FRMPD4: variants seen among roughly 807,000 people sequenced by gnomAD.
FRMPD4 encodes FERM and PDZ domain containing 4, also known as FERM and PDZ domain-containing protein 4.
In FRMPD4, 22 loss-of-function variants were observed where a neutral mutation model predicts 94.1. The ratio of observed to expected loss-of-function variants is 0.23; its 90% confidence interval spans 0.17 to 0.33. FRMPD4 has a LOEUF of 0.33. FRMPD4 is among the 10% of genes least tolerant of loss of function. The pLI, the probability that FRMPD4 is intolerant of heterozygous loss-of-function variation, is 1.00. For synonymous variants in FRMPD4, 631 were observed against 548.6 expected (o/e 1.15, Z -2.10); for missense variants, 1,111 against 1,339.9 (o/e 0.83, Z 2.67).
chrX:12,142,442 T>A (rs1250777786), intron 1 of FRMPD4, among the ~76,000 whole-genome samples: 1 of 111,564 alleles, frequency 9.0e-6, no homozygotes, highest in Non-Finnish European at 1.9e-5. Context: ...ATGCAAAAGG[T>A]CAGGGTTTTT....
At chrX:12,720,056 AAGAAAG>A (rs2042202253) in intron 16 of FRMPD4, among the ~76,000 whole-genome samples, 1 of 85,934 alleles carries the variant, frequency 1.2e-5, no homozygotes, top group African/African-American at 4.2e-5. Context: ...AAAGGAAAGA[AAGAAAG>A]AAAGAAAGAA....
intron 2 of FRMPD4, among the ~76,000 whole-genome samples, chrX:12,593,805 T>C (rs2059004388): frequency 8.9e-6 from 1 of 111,795 alleles, no homozygotes; most frequent in East Asian, 2.8e-4. Context: ...TATCCAGTTA[T>C]CTTATACAAT....
chrX:11,904,788 A>G (rs1347999146), intron 3 of FRMPD4, among the ~76,000 whole-genome samples: 2 of 112,521 alleles, frequency 1.8e-5, no homozygotes, highest in Admixed American at 9.3e-5. Flanking sequence ...CCTTGTACTC[A>G]TAGCCCTTGA....
intron 2 of FRMPD4, among the ~76,000 whole-genome samples, chrX:12,573,366 T>C (rs1189065584): frequency 8.9e-6 from 1 of 112,196 alleles, no homozygotes; most frequent in African/African-American, 3.2e-5. Flanking sequence ...TCTTCTAGTT[T>C]GAAAACTCTC....
chrX:12,462,197 G>A, intron 1 of FRMPD4, among the ~76,000 whole-genome samples: 1 of 111,770 alleles, frequency 8.9e-6, no homozygotes, highest in South Asian at 3.8e-4. Flanking sequence ...CCATAGGGAA[G>A]GATAATGAAT....
intron 1 of FRMPD4, among the ~76,000 whole-genome samples, chrX:12,180,830 A>T (rs150800223): frequency 0.011 from 1,196 of 112,068 alleles, 24 homozygotes; most frequent in African/African-American, 0.037. Context: ...TTTATTTACC[A>T]GAACAGAAGA....
intron 1 of FRMPD4, among the ~76,000 whole-genome samples, chrX:12,491,400 A>G (rs1418236616): frequency 2.7e-5 from 3 of 111,971 alleles, no homozygotes; most frequent in African/African-American, 9.7e-5. Context: ...GGTGGATCAC[A>G]TGGTGCACAC....
At chrX:12,684,904 G>A (rs1258276001) in intron 6 of FRMPD4, among the ~76,000 whole-genome samples, 1 of 111,719 alleles carries the variant, frequency 9.0e-6, no homozygotes, top group Non-Finnish European at 1.9e-5. Flanking sequence ...AGCCTCCACA[G>A]CCCTGCCACA....
At chrX:12,611,628 C>T (rs969001454) in intron 3 of FRMPD4, among the ~76,000 whole-genome samples, 8 of 112,295 alleles carry the variant, frequency 7.1e-5, no homozygotes, top group African/African-American at 9.7e-5. Context: ...TTAAGGGAAA[C>T]GAAACTCAAG....
chrX:12,388,389 G>A (rs772069850), intron 1 of FRMPD4, among the ~76,000 whole-genome samples: 6 of 111,197 alleles, frequency 5.4e-5, no homozygotes, highest in Admixed American at 9.5e-5. Flanking sequence ...GGCAGATCAC[G>A]AGGTCAGGAG....
At chrX:12,387,463 T>C (rs1373625045) in intron 1 of FRMPD4, among the ~76,000 whole-genome samples, 1 of 111,845 alleles carries the variant, frequency 8.9e-6, no homozygotes, top group African/African-American at 3.2e-5. Context: ...GTGAAATGAA[T>C]CTCACTCAGA....
chrX:12,559,813 T>C (rs1426310001), intron 2 of FRMPD4, among the ~76,000 whole-genome samples: 1 of 111,865 alleles, frequency 8.9e-6, no homozygotes, highest in African/African-American at 3.2e-5. Flanking sequence ...TATTTTAAAT[T>C]GTCAATTTAG....
intron 1 of FRMPD4, among the ~76,000 whole-genome samples, chrX:12,241,114 A>G (rs1350641050): frequency 2.7e-5 from 3 of 112,562 alleles, no homozygotes; most frequent in Non-Finnish European, 3.7e-5. Context: ...TCTCAATATC[A>G]GTAATAACTT....
intron 2 of FRMPD4, among the ~76,000 whole-genome samples, chrX:12,501,526 G>A (rs1024630987): frequency 9.2e-6 from 1 of 109,028 alleles, no homozygotes; most frequent in Non-Finnish European, 1.9e-5. Flanking sequence ...CAGGTTTGCA[G>A]TGTGGAATAT....
chrX:12,392,595 A>G (rs1262698797), intron 1 of FRMPD4, among the ~76,000 whole-genome samples: 1 of 110,313 alleles, frequency 9.1e-6, no homozygotes, highest in Non-Finnish European at 1.9e-5. Context: ...AGAGGTTGCC[A>G]TGAGCCGAGA....
At chrX:11,828,986 T>C (rs1396392459) in intron 1 of FRMPD4, among the ~76,000 whole-genome samples, 1 of 112,171 alleles carries the variant, frequency 8.9e-6, no homozygotes, top group East Asian at 2.8e-4. Context: ...TCAGTTGGAA[T>C]CTGAAGGCAG....
intron 3 of FRMPD4, among the ~76,000 whole-genome samples, chrX:11,895,092 A>G (rs932010453): frequency 4.5e-5 from 5 of 111,990 alleles, no homozygotes; most frequent in Non-Finnish European, 7.5e-5. Flanking sequence ...TTTCAACAAC[A>G]TGATTCTTGC....
intron 1 of FRMPD4, among the ~76,000 whole-genome samples, chrX:12,434,545 A>G (rs757585256): frequency 6.0e-4 from 67 of 112,575 alleles, no homozygotes; most frequent in African/African-American, 2.1e-3. Context: ...CTCCCAGGAA[A>G]CTTCCACTCG....
intron 4 of FRMPD4, among the ~76,000 whole-genome samples, chrX:12,653,469 C>G (rs761793712): frequency 9.0e-6 from 1 of 111,653 alleles, no homozygotes; most frequent in African/African-American, 3.3e-5. Flanking sequence ...TGACATAAAC[C>G]TAGCCTATGA....
Sources: gnomAD v4.1 joint callset for allele counts (sites outside exome capture counted in the v4.1 genomes callset) on GRCh38, gnomAD v4.1.1 for gene constraint, MANE v1.5 for transcripts, NCBI Gene and HGNC (gene_info 2026-07-23, HGNC 2026-07-21) for gene names.